CNOT11: variants seen among roughly 807,000 people sequenced by gnomAD.
CNOT11 encodes the protein UPF0760 protein C2orf29.
A neutral mutation model predicts 44.6 loss-of-function variants in CNOT11; 18 were observed. That is an observed-to-expected ratio of 0.40 (90% confidence interval 0.28 to 0.60). The LOEUF (loss-of-function observed/expected upper bound fraction) is 0.60, where lower values mean the gene tolerates loss of function less well. Ranked by LOEUF, CNOT11 falls within the 20% of genes least tolerant of loss-of-function variation. CNOT11 has a pLI of 0.38. For synonymous variants in CNOT11, 291 were observed against 270.9 expected, an observed-to-expected ratio of 1.07 and a Z score of -0.73; for missense variants, 513 against 677.0, an observed-to-expected ratio of 0.76 and a Z score of 2.69.
At chr2:101,256,271 T>C (rs1419933379) in intron 1 of CNOT11, among the ~76,000 whole-genome samples, 1 of 152,158 alleles carries the variant, frequency 6.6e-6, no homozygotes, top group Non-Finnish European at 1.5e-5. Flanking sequence ...CTTGTAATGG[T>C]GTAGAAATCT....
chr2:101,258,148 C>CT (rs1209337316), intron 2 of CNOT11, among the ~76,000 whole-genome samples, 193 bp downstream of exon 2: 2 of 152,074 alleles, frequency 1.3e-5, no homozygotes, highest in African/African-American at 4.8e-5. Context: ...AATCCCAGCA[C>CT]TTTGGGAGGC....
intron 2 of CNOT11, among the ~76,000 whole-genome samples, chr2:101,259,147 C>T (rs1681797026): frequency 6.6e-6 from 1 of 152,090 alleles, no homozygotes; most frequent in African/African-American, 2.4e-5. Context: ...TGCTGAATAG[C>T]CAAAACCCAA....
At chr2:101,266,564 A>G (rs1681988907) in intron 4 of CNOT11, 113 bp from the exon 5 acceptor site, 4 of 756,336 alleles carry the variant, frequency 5.3e-6, no homozygotes, top group South Asian at 4.9e-5. Flanking sequence ...TTCAATGCAG[A>G]TAGTTTTGTA....
At position 101,264,997 on chromosome 2, in the gene CNOT11, A is replaced by C. The variant is rs1424121309; in HGVS notation, c.985A>C (p.Ile329Leu). ...TAGCACTGGTGTGGAGATCAAACGA[A>C]TAATGGCCAAAGCCTTCAAAAGCCC... is the stretch of plus-strand genomic sequence containing the variant. ...KNSTGVEIKRIMAKAFKSPLS... is the reference protein window; with the variant it reads ...KNSTGVEIKRLMAKAFKSPLS... The change falls in exon 4 of 7, where the codon ATA (isoleucine) becomes CTA (leucine). Residue 329 changes from isoleucine (I) to leucine (L), a missense_variant. Ile to Leu is a conservative substitution (Grantham distance 5). Transcript: ENST00000289382. 2.5e-6 allele frequency: 4 copies of C among 1,614,202 alleles called. No homozygotes were observed. The highest frequency in any genetic ancestry group is 3.4e-6 in the Non-Finnish European group (4 of 1,180,020).
At position 101,269,688 on chromosome 2, in the gene CNOT11, CTT is replaced by C; in HGVS notation, c.*284_*285del. 3.6e-6 allele frequency: 1 copy of C among 274,832 alleles called. No individual in the cohort carries two copies. Among genetic ancestry groups the C allele is most frequent in the Non-Finnish European group, 6.7e-6 (1 of 148,588 alleles). The allele number at this position is 274,832 out of a possible 1,614,324, so 17.0% of individuals were successfully genotyped here. A position where few individuals can be genotyped will look rare whatever the true frequency, so the allele number is the denominator to read the frequency against. On this transcript the variant is annotated 3_prime_UTR_variant, in exon 7 of 7. Coordinates refer to ENST00000289382, the MANE Select transcript of CNOT11 (RefSeq NM_017546.5). This position sits in a 1 kb window ranked among gnomAD's most constrained non-coding sequence, Gnocchi z 4.8. The stretch of plus-strand genomic sequence containing the variant: ...GTTCCGCAAAAAAGTAGATGAGTTT[CTT>C]TTTTTTTTAAGCACTAAAGAACAAA...
intron 2 of CNOT11, among the ~76,000 whole-genome samples, chr2:101,261,226 G>C (rs1015619510): frequency 5.3e-5 from 8 of 152,290 alleles, no homozygotes; most frequent in Admixed American, 5.2e-4. Context: ...TCACTAACCT[G>C]ATTTTTGTGA....
chr2:101,266,283 C>T (rs1681981008), intron 4 of CNOT11, among the ~76,000 whole-genome samples: 1 of 151,874 alleles, frequency 6.6e-6, no homozygotes, highest in Admixed American at 6.6e-5. Flanking sequence ...AGGACTGTTT[C>T]TTGGGAGAAC....
intron 2 of CNOT11, among the ~76,000 whole-genome samples, chr2:101,259,463 G>C (rs1165312983): frequency 6.6e-6 from 1 of 152,164 alleles, no homozygotes; most frequent in African/African-American, 2.4e-5. Context: ...TCAGAGAGAG[G>C]CTCTCTGAGT....
Position 101,269,603 on chromosome 2 carries a change from CA to C in CNOT11, c.*191del. The C allele has an allele frequency of 4.0e-6, 2 of 496,896 alleles. No individual in the cohort carries two copies. Among genetic ancestry groups the C allele is most frequent in the South Asian group, 3.9e-5 (1 of 25,874 alleles). The allele number at this position is 496,896 out of a possible 1,614,324, so 30.8% of individuals were successfully genotyped here. ...AATTTTTGATAAGAACTAGGGAAAA[CA>C]TGTCTTTTAGGTGTCTTGCTGATGA... On this transcript the variant is annotated 3_prime_UTR_variant, in exon 7 of 7. Transcript: ENST00000289382. The surrounding 1 kb of genome is among the most constrained non-coding windows in gnomAD (Gnocchi z 4.8).
In CNOT11 at chr2:101,264,557, C is replaced by T. The variant is rs113736733; in HGVS notation, c.833-288C>T. Among the ~76,000 whole-genome samples, 66 of 152,260 alleles carry T rather than the reference C, an allele frequency of 4.3e-4. 1 individual carries two copies. Among genetic ancestry groups the T allele is most frequent in the African/African-American group, 1.6e-3 (65 of 41,532 alleles). On this transcript the variant is annotated intron_variant, in intron 3 of 6. Transcript: ENST00000289382. The stretch of plus-strand genomic sequence containing the variant: ...GCCCTTTTGCTGTTGAGTGGCCATG[C>T]TCAAGTGCAGCATGGGCAGATCACG...
intron 1 of CNOT11, among the ~76,000 whole-genome samples, chr2:101,257,400 A>C (rs1358558923): frequency 1.3e-5 from 2 of 151,874 alleles, no homozygotes; most frequent in African/African-American, 4.8e-5. Context: ...TCTCAAAAAA[A>C]AAAAAAAAGC....
chr2:101,264,779 A>G (rs1281426029), intron 3 of CNOT11, 66 bp from the exon 4 acceptor site: 4 of 1,243,680 alleles, frequency 3.2e-6, no homozygotes, highest in African/African-American at 1.5e-5. Context: ...TTATTAAGTG[A>G]AATGTGTGAG....
chr2:101,261,996 G>A (rs999408421), intron 2 of CNOT11, among the ~76,000 whole-genome samples: 5 of 151,868 alleles, frequency 3.3e-5, no homozygotes, highest in African/African-American at 4.8e-5. Flanking sequence ...ACAGGCACCT[G>A]CCACCATGCC....
chr2:101,256,650 T>C (rs2104361643), intron 1 of CNOT11, among the ~76,000 whole-genome samples: 1 of 152,350 alleles, frequency 6.6e-6, no homozygotes, highest in East Asian at 1.9e-4. Context: ...TTCTACACAG[T>C]GGAAACAGAG....
rs899764494 is a variant in CNOT11 at position 101,253,512 on chromosome 2, G to A, written c.514+34G>A. Reference sequence around the variant, plus strand: ...TGAAGCCAGCTGTGCCGTGTGGATAGCGTTAGATTCCGCAGCTTTCCACCT... The same window carrying A: ...TGAAGCCAGCTGTGCCGTGTGGATAACGTTAGATTCCGCAGCTTTCCACCT... On this transcript the variant is annotated intron_variant, in intron 1 of 6. Coordinates refer to ENST00000289382, the MANE Select transcript of CNOT11 (RefSeq NM_017546.5). The surrounding 1 kb of genome is among the most constrained non-coding windows in gnomAD (Gnocchi z 4.3). 3 of 1,405,134 alleles carry A rather than the reference G, an allele frequency of 2.1e-6. No individual in the cohort carries two copies. 87.0% of individuals were successfully genotyped at this position (1,405,134 alleles called of 1,614,324 possible). A position where few individuals can be genotyped will look rare whatever the true frequency, so the allele number is the denominator to read the frequency against.
chr2:101,257,362 C>T (rs1439048937), intron 1 of CNOT11, among the ~76,000 whole-genome samples: 1 of 149,270 alleles, frequency 6.7e-6, no homozygotes, highest in African/African-American at 2.5e-5. Context: ...CATCACACTG[C>T]AGCCTGGGAG....
chr2:101,261,690 GTGGGTATGTTATAGTATCT>G (rs1681866266), intron 2 of CNOT11, among the ~76,000 whole-genome samples: 1 of 152,084 alleles, frequency 6.6e-6, no homozygotes, highest in African/African-American at 2.4e-5. Flanking sequence ...TGCCAATCTG[GTGGGTATGTTATAGTATCT>G]TGTGTTTTAA....
rs1473789498 is a variant in CNOT11 at position 101,266,820 on chromosome 2, G to A, written c.1179G>A (p.Glu393=). 1.2e-6 allele frequency: 2 copies of A among 1,613,932 alleles called. No individual in the cohort carries two copies. Among genetic ancestry groups the A allele is most frequent in the African/African-American group, 1.3e-5 (1 of 74,910 alleles). The change falls in exon 5 of 7, where the codon GAG becomes GAA. Residue 393 remains glutamate, a synonymous_variant. Coordinates refer to ENST00000289382, the MANE Select transcript of CNOT11 (RefSeq NM_017546.5). ...LKLMQSSQIT[E]YFSVLVNMDM... ...TAATGCAGTCAAGCCAGATCACTGA[G>A]TATTTCTCTGTCCTGGTCAATATGG...
intron 4 of CNOT11, among the ~76,000 whole-genome samples, chr2:101,266,094 C>G (rs1681975833): frequency 6.6e-6 from 1 of 152,212 alleles, no homozygotes; most frequent in African/African-American, 2.4e-5. Context: ...GAAGTGCTTA[C>G]TTCATAGAAA....
Sources: allele counts gnomAD v4.1 joint callset (sites outside exome capture counted in the v4.1 genomes callset), GRCh38; gene constraint gnomAD v4.1.1; non-coding constraint Gnocchi (gnomAD v3.1); transcripts MANE v1.5; gene names NCBI Gene and HGNC (gene_info 2026-07-23, HGNC 2026-07-21).